The following GATB variants were observed in gnomAD, a reference collection of about 807,000 sequenced individuals.
GATB encodes glutamyl-tRNA(Gln) amidotransferase subunit B, mitochondrial.
A neutral mutation model predicts 62.3 loss-of-function variants in GATB; 39 were observed. The ratio of observed to expected loss-of-function variants is 0.63; its 90% CI spans 0.48 to 0.82. The LOEUF is 0.82. GATB is among the 40% of genes least tolerant of loss of function. GATB has a pLI of 0.00. For synonymous variants in GATB, 276 were observed against 258.9 expected, an observed-to-expected ratio of 1.07 and a Z score of -0.63; for missense variants, 670 against 684.0, an observed-to-expected ratio of 0.98 and a Z score of 0.23.
chr4:151,688,678 T>G lies in GATB; in HGVS notation c.1283A>C (p.Asn428Thr), dbSNP rs371343864. The change falls in exon 10 of 13, where the codon AAC becomes ACC. Residue 428 changes from asparagine to threonine, a missense_variant. Transcript: ENST00000263985. ...TTGCTTTAAATAGCCCAGAAAAGTG[T>G]TGAGGACCCAACTAGTCACCTTTTT... ...EPKKVTSWVL[N>T]TFLGYLKQQN... The G allele has an allele frequency of 1.2e-6, 2 of 1,613,346 alleles. No homozygotes were observed. The highest frequency in any genetic ancestry group is 8.5e-7 in the Non-Finnish European group (1 of 1,179,818).
At chr4:151,739,918 G>T (rs2126992143) in intron 2 of GATB, among the ~76,000 whole-genome samples, 1 of 152,314 alleles carries the variant, frequency 6.6e-6, no homozygotes, top group East Asian at 1.9e-4. Flanking sequence ...TGCCCACAAT[G>T]ATGGGACAGT....
chr4:151,728,669 C>T (rs185639522), intron 2 of GATB, among the ~76,000 whole-genome samples: 1 of 152,284 alleles, frequency 6.6e-6, no homozygotes, highest in African/African-American at 2.4e-5. Flanking sequence ...GATGCAATGA[C>T]AAACTATTTC....
At chr4:151,679,456 C>T (rs1443405778) in intron 11 of GATB, among the ~76,000 whole-genome samples, 9 of 152,160 alleles carry the variant, frequency 5.9e-5, no homozygotes, top group South Asian at 2.1e-4. Context: ...GGTGTGGGGG[C>T]GGGACAAGAG....
chr4:151,714,159 T>G (rs918544165), intron 5 of GATB, among the ~76,000 whole-genome samples: 5 of 152,178 alleles, frequency 3.3e-5, no homozygotes, highest in African/African-American at 1.2e-4. Context: ...ATGAAATGAC[T>G]TGGAACCTGG....
intron 2 of GATB, chr4:151,723,245 A>G (rs1168465191): frequency 1.3e-5 from 2 of 152,122 alleles, no homozygotes; most frequent in East Asian, 3.9e-4. Context: ...TCACACACAC[A>G]TGCCATTGAA....
chr4:151,698,388 A>C (rs920475233), intron 9 of GATB, among the ~76,000 whole-genome samples: 2 of 152,316 alleles, frequency 1.3e-5, no homozygotes. Flanking sequence ...TGAGGTGTGC[A>C]TGGGGGTGGG....
intron 11 of GATB, 141 bp downstream of exon 11, chr4:151,679,672 C>G (rs535582665): frequency 4.5e-5 from 34 of 752,054 alleles, no homozygotes; most frequent in Non-Finnish European, 7.0e-5. Flanking sequence ...TAAAATGTTT[C>G]TACCTTTCAG....
At chr4:151,680,013 T>C (rs1738103791) in intron 10 of GATB, 122 bp from the exon 11 acceptor site, 6 of 777,900 alleles carry the variant, frequency 7.7e-6, no homozygotes, top group Non-Finnish European at 1.1e-5. Flanking sequence ...CGCCTAGGGA[T>C]GAAAACAGCA....
intron 8 of GATB, 26 bp downstream of exon 8, chr4:151,703,825 G>A (rs752221726): frequency 1.3e-5 from 19 of 1,491,932 alleles, no homozygotes; most frequent in South Asian, 9.0e-5. Flanking sequence ...GATATATAGC[G>A]GTATTTTGCC....
chr4:151,718,118 C>T (rs1197567173), intron 3 of GATB, among the ~76,000 whole-genome samples: 4 of 152,176 alleles, frequency 2.6e-5, no homozygotes, highest in Non-Finnish European at 4.4e-5. Flanking sequence ...CAAAGGTTTC[C>T]GATTCAGTAG....
chr4:151,727,752 A>T (rs1285030156), intron 2 of GATB, among the ~76,000 whole-genome samples: 2 of 152,232 alleles, frequency 1.3e-5, no homozygotes, highest in Non-Finnish European at 2.9e-5. Flanking sequence ...AGGGAAGAAT[A>T]GTTATTTGGC....
chr4:151,698,082 T>C (rs1456061311), intron 9 of GATB, among the ~76,000 whole-genome samples: 1 of 150,612 alleles, frequency 6.6e-6, no homozygotes, highest in Non-Finnish European at 1.5e-5. Flanking sequence ...CCCATGATTC[T>C]CTGGGTTGTC....
intron 3 of GATB, among the ~76,000 whole-genome samples, chr4:151,717,654 C>T (rs1738941138): frequency 1.3e-5 from 2 of 152,176 alleles, no homozygotes; most frequent in African/African-American, 4.8e-5. Context: ...GACACTCCCC[C>T]TCCATTAATG....
intron 2 of GATB, among the ~76,000 whole-genome samples, chr4:151,732,075 G>T (rs1420636838): frequency 7.1e-6 from 1 of 140,152 alleles, no homozygotes; most frequent in Non-Finnish European, 1.5e-5. Context: ...GCCCCCGCCC[G>T]GCCAGCCGCC....
In GATB at chr4:151,760,963, C is replaced by T. The variant is rs199634927; in HGVS notation, c.20G>A (p.Arg7His). 1.4e-5 allele frequency: 22 copies of T among 1,612,042 alleles called. No individual in the cohort carries two copies. The East Asian group carries it at 4.5e-4, about 33-fold the overall frequency. Residue 7 changes from arginine to histidine, a missense_variant, in exon 1 of 13, where the codon CGC becomes CAC. Arg to His is a conservative substitution (Grantham distance 29). Transcript: ENST00000263985. Reference protein sequence around the residue: MAAPMLRWGCRGRRWAF... With the variant: MAAPMLHWGCRGRRWAF... ...CCAACGTCTTCCACGGCAGCCCCAG[C>T]GCAGCATGGGCGCCGCCATTGTAAC...
At chr4:151,693,699 G>C (rs1738414950) in intron 9 of GATB, among the ~76,000 whole-genome samples, 1 of 152,174 alleles carries the variant, frequency 6.6e-6, no homozygotes, top group South Asian at 2.1e-4. Flanking sequence ...CATTTCCCCA[G>C]CAAGGCTTGG....
At chr4:151,717,304 G>A in intron 3 of GATB, 1 of 543,796 alleles carries the variant, frequency 1.8e-6, no homozygotes, top group Non-Finnish European at 3.3e-6. Flanking sequence ...CTCCACCCCT[G>A]ATAACGATGC....
At chr4:151,680,946 G>C (rs1190111510) in intron 10 of GATB, among the ~76,000 whole-genome samples, 1 of 152,190 alleles carries the variant, frequency 6.6e-6, no homozygotes, top group Non-Finnish European at 1.5e-5. Context: ...ATGAGATGCT[G>C]CCTATCTGAG....
intron 10 of GATB, among the ~76,000 whole-genome samples, chr4:151,683,407 GGA>G (rs1703289896): frequency 6.6e-6 from 1 of 152,096 alleles, no homozygotes; most frequent in Non-Finnish European, 1.5e-5. Context: ...TTGGGCCTCC[GGA>G]ATGTCCTCCT....
Sources: allele counts gnomAD v4.1 joint callset (sites outside exome capture counted in the v4.1 genomes callset), GRCh38; gene constraint gnomAD v4.1.1; transcripts MANE v1.5; gene names NCBI Gene and HGNC (gene_info 2026-07-23, HGNC 2026-07-21).